SYNJ2: variants seen among roughly 807,000 people sequenced by gnomAD.
The protein encoded by SYNJ2 is synaptojanin 2, also known as polyphosphatidylinositol phosphatase SYNJ2.
A neutral mutation model predicts 141.3 loss-of-function variants in SYNJ2; 116 were observed. That is an observed-to-expected ratio of 0.82 (90% CI 0.71 to 0.96). The LOEUF (loss-of-function observed/expected upper bound fraction) is 0.96, where lower values mean the gene tolerates loss of function less well. Ranked by LOEUF, SYNJ2 falls within the 40% of genes least tolerant of loss-of-function variation. The pLI is 0.00. For missense variants in SYNJ2, 1,873 were observed against 1,934.8 expected (o/e 0.97, Z 0.60); for synonymous variants, 745 against 777.7 (o/e 0.96, Z 0.70).
At chr6:158,086,181 A>G (rs943798168) in intron 22 of SYNJ2, among the ~76,000 whole-genome samples, 2 of 151,908 alleles carry the variant, frequency 1.3e-5, no homozygotes, top group Non-Finnish European at 2.9e-5. Context: ...TGCTGGATAC[A>G]GGGAGTGGGG....
At chr6:158,068,371 T>C (rs902356860) in intron 12 of SYNJ2, among the ~76,000 whole-genome samples, 1 of 152,192 alleles carries the variant, frequency 6.6e-6, no homozygotes, top group Admixed American at 6.5e-5. Context: ...CTGGACAGAT[T>C]CAGTCAATGG....
At chr6:158,018,209 C>T (rs1228682704) in intron 2 of SYNJ2, among the ~76,000 whole-genome samples, 1 of 152,014 alleles carries the variant, frequency 6.6e-6, no homozygotes, top group Non-Finnish European at 1.5e-5. Context: ...GGCCGGCTGT[C>T]GTGGGTGGTC....
Position 158,017,011 on chromosome 6 carries a change from A to G in SYNJ2, c.128-193A>G, listed in dbSNP as rs1021847944. On this transcript the variant is annotated intron_variant, in intron 1 of 26. Coordinates refer to ENST00000355585, the MANE Select transcript of SYNJ2 (RefSeq NM_003898.4). Reference sequence around the variant, plus strand: ...TTCCAGAGAGCAAGCTGTTGGTGGGAAGGTCTGAATCCTTGCAGCTCTGTG... The same window carrying G: ...TTCCAGAGAGCAAGCTGTTGGTGGGGAGGTCTGAATCCTTGCAGCTCTGTG... 4.7e-6 allele frequency: 6 copies of G among 1,277,574 alleles called. No individual in the cohort carries two copies. The East Asian group carries it at 1.9e-4, about 40-fold the overall frequency. 79.1% of individuals were successfully genotyped at this position (1,277,574 alleles called of 1,614,324 possible).
At chr6:158,045,098 C>T (rs1780164742) in intron 5 of SYNJ2, among the ~76,000 whole-genome samples, 1 of 143,270 alleles carries the variant, frequency 7.0e-6, no homozygotes, top group African/African-American at 2.6e-5. Context: ...CAGGGGTCCT[C>T]CTTTTTTTTT....
intron 23 of SYNJ2, among the ~76,000 whole-genome samples, chr6:158,087,450 A>C (rs961032430): frequency 1.3e-5 from 2 of 152,198 alleles, no homozygotes; most frequent in African/African-American, 4.8e-5. Context: ...GCTCAGAACA[A>C]GTTCCCCCTT....
chr6:158,016,587 AGAGGTTAG>A (rs1440307644), intron 1 of SYNJ2, among the ~76,000 whole-genome samples: 1 of 152,056 alleles, frequency 6.6e-6, no homozygotes, highest in Non-Finnish European at 1.5e-5. Flanking sequence ...GCATCATTGG[AGAGGTTAG>A]GGCTCTCCCT....
chr6:158,067,691 T>G (rs1377379490), intron 12 of SYNJ2: 1 of 985,444 alleles, frequency 1.0e-6, no homozygotes, highest in Non-Finnish European at 1.2e-6. Flanking sequence ...CACAGCTGCC[T>G]GGGTAGTACC....
At chr6:157,991,343 C>T (rs1777416778) in intron 1 of SYNJ2, among the ~76,000 whole-genome samples, 1 of 152,204 alleles carries the variant, frequency 6.6e-6, no homozygotes, top group African/African-American at 2.4e-5. Context: ...ATTCTTGTGG[C>T]AAATCGGGTT....
rs889164680 is a variant in SYNJ2 at position 157,985,770 on chromosome 6, G to A, written c.127+3682G>A. ...ACAGTGCGGGCTGTGTGTGAGTGAA[G>A]TCGTGCCTCCTGCCGCCCAGCCGGG... is the stretch of plus-strand genomic sequence containing the variant. On this transcript the variant is annotated intron_variant, in intron 1 of 26. Coordinates refer to ENST00000355585, the MANE Select transcript of SYNJ2 (RefSeq NM_003898.4). Among the ~76,000 whole-genome samples the A allele has an allele frequency of 2.0e-5, 3 of 152,200 alleles. No homozygotes were observed. The East Asian group carries it at 5.8e-4, about 29-fold the overall frequency.
At chr6:158,059,922 T>C (rs1781107686) in intron 7 of SYNJ2, among the ~76,000 whole-genome samples, 1 of 152,226 alleles carries the variant, frequency 6.6e-6, no homozygotes, top group South Asian at 2.1e-4. Context: ...GAGCATCTCC[T>C]GTCCCCAGCC....
Position 158,064,716 on chromosome 6 carries a change from T to G in SYNJ2, c.1325T>G (p.Phe442Cys). 1 of 1,613,960 alleles carries G rather than the reference T, an allele frequency of 6.2e-7. No homozygotes were observed. Among genetic ancestry groups the G allele is most frequent in the East Asian group, 2.2e-5 (1 of 44,864 alleles). Residue 442 changes from phenylalanine to cysteine, a missense_variant, in exon 10 of 27, where the codon TTC becomes TGC. Coordinates refer to ENST00000355585, the MANE Select transcript of SYNJ2 (RefSeq NM_003898.4). ...AATGGCCACAGCCTGAGCAAGGTGT[T>G]CACAGGCAGCAGAGCCCTGGAAGGG... is the stretch of plus-strand genomic sequence containing the variant. ...SLNGHSLSKV[F>C]TGSRALEGKA...
Position 158,061,141 on chromosome 6 carries a change from G to A in SYNJ2, c.955-851G>A, listed in dbSNP as rs571641966. Among the ~76,000 whole-genome samples the A allele has an allele frequency of 4.6e-5, 7 of 152,366 alleles. No individual in the cohort carries two copies. In the South Asian group the frequency reaches 1.4e-3, roughly 32 times the overall value. ...ACTCAGACCTATCACAGGCAGTCAC[G>A]TTGAGTCAGATCAGATGACCCCCAA... On this transcript the variant is annotated intron_variant, in intron 7 of 26. Coordinates refer to ENST00000355585, the MANE Select transcript of SYNJ2 (RefSeq NM_003898.4).
intron 1 of SYNJ2, among the ~76,000 whole-genome samples, chr6:157,983,547 C>G (rs1777088051): frequency 6.6e-6 from 1 of 152,138 alleles, no homozygotes. Flanking sequence ...CAACATTAAG[C>G]CAAGTTCATA....
intron 2 of SYNJ2, among the ~76,000 whole-genome samples, chr6:158,024,392 G>A (rs953667506): frequency 4.6e-5 from 7 of 152,156 alleles, no homozygotes; most frequent in South Asian, 4.1e-4. Flanking sequence ...CCCAGATTGC[G>A]CCACTGCACT....
intron 18 of SYNJ2, among the ~76,000 whole-genome samples, chr6:158,079,756 G>A (rs1176018096): frequency 6.6e-6 from 1 of 152,142 alleles, no homozygotes; most frequent in Non-Finnish European, 1.5e-5. Flanking sequence ...GTGACATCAA[G>A]GTTTGCTAGC....
chr6:158,029,113 A>T, intron 3 of SYNJ2, 87 bp downstream of exon 3: 1 of 1,271,868 alleles, frequency 7.9e-7, no homozygotes, highest in Non-Finnish European at 1.0e-6. Context: ...CTTGACCTCC[A>T]CTTGCACCAC....
At chr6:158,080,009 A>C (rs1477381821) in intron 18 of SYNJ2, among the ~76,000 whole-genome samples, 1 of 152,224 alleles carries the variant, frequency 6.6e-6, no homozygotes, top group Non-Finnish European at 1.5e-5. Flanking sequence ...TTCGTAATAT[A>C]GGATTTTCTG....
intron 4 of SYNJ2, among the ~76,000 whole-genome samples, chr6:158,034,864 G>A (rs749711304): frequency 1.3e-5 from 2 of 152,174 alleles, no homozygotes; most frequent in Non-Finnish European, 2.9e-5. Context: ...TGTATATGGT[G>A]TAAGGAAGGG....
intron 22 of SYNJ2, among the ~76,000 whole-genome samples, chr6:158,086,464 A>C (rs1455845942): frequency 6.6e-6 from 1 of 152,188 alleles, no homozygotes; most frequent in East Asian, 1.9e-4. Flanking sequence ...GAACACCCTC[A>C]GCTTCCTCAG....
Sources: allele counts gnomAD v4.1 joint callset (sites outside exome capture counted in the v4.1 genomes callset), GRCh38; gene constraint gnomAD v4.1.1; transcripts MANE v1.5; gene names NCBI Gene and HGNC (gene_info 2026-07-23, HGNC 2026-07-21).